The following LRRC8D variants were observed in gnomAD, a reference collection of about 807,000 sequenced individuals.
LRRC8D encodes volume-regulated anion channel subunit LRRC8D.
LRRC8D carries 20 observed loss-of-function variants against 55.8 expected under a neutral mutation model. The ratio of observed to expected loss-of-function variants is 0.36; its 90% CI spans 0.25 to 0.52. The LOEUF (loss-of-function observed/expected upper bound fraction) is 0.52, where lower values mean the gene tolerates loss of function less well. LRRC8D is among the 20% of genes least tolerant of loss of function. LRRC8D has a pLI of 0.93. For synonymous variants in LRRC8D, 352 were observed against 377.0 expected, an observed-to-expected ratio of 0.93 and a Z score of 0.77; for missense variants, 651 against 1,030.8, an observed-to-expected ratio of 0.63 and a Z score of 5.05.
At chr1:89,931,972 G>T (rs115554526) in intron 2 of LRRC8D, among the ~76,000 whole-genome samples, 3,027 of 152,182 alleles carry the variant, frequency 0.02, 45 homozygotes, top group Non-Finnish European at 0.032. Context: ...TGAAAATATG[G>T]TCATGTGGTT....
intron 2 of LRRC8D, among the ~76,000 whole-genome samples, chr1:89,856,279 A>T (rs144486902): frequency 1.3e-5 from 2 of 152,182 alleles, no homozygotes; most frequent in East Asian, 1.9e-4. Context: ...TTAGCAGCTC[A>T]TGTTGAACAC....
At chr1:89,931,667 G>T (rs937959799) in intron 2 of LRRC8D, among the ~76,000 whole-genome samples, 1 of 152,160 alleles carries the variant, frequency 6.6e-6, no homozygotes, top group African/African-American at 2.4e-5. Flanking sequence ...GCTGAGGCAG[G>T]AGAATCGCTT....
chr1:89,862,507 A>C (rs573933414), intron 2 of LRRC8D, among the ~76,000 whole-genome samples: 5 of 152,356 alleles, frequency 3.3e-5, no homozygotes, highest in African/African-American at 1.2e-4. Context: ...GAAGTAGGCC[A>C]GTCTTTGGAC....
chr1:89,848,835 G>A (rs1038766314), intron 2 of LRRC8D, among the ~76,000 whole-genome samples: 7 of 152,104 alleles, frequency 4.6e-5, no homozygotes, highest in Admixed American at 6.5e-5. Context: ...GAGTAGCTGG[G>A]ATTACAGGCG....
chr1:89,860,809 T>TATATATATATATATATATATATATATAC (rs970678615), intron 2 of LRRC8D, among the ~76,000 whole-genome samples: 2 of 105,538 alleles, frequency 1.9e-5, no homozygotes, highest in African/African-American at 7.6e-5. Context: ...TATATATATA[T>TATATATATATATATATATATATATATAC]ACACACACAG....
rs1220234571 is a variant in LRRC8D, at chr1:89,911,694, C to T, written c.-2-21373C>T. ...TCACTTTCCCACATACCCTTGCACA[C>T]GTGAGCCAGACTTTTTCACCGAAAG... On this transcript the variant is annotated intron_variant, in intron 2 of 2. Coordinates refer to ENST00000337338, the MANE Select transcript of LRRC8D (RefSeq NM_001134479.2). The surrounding 1 kb of genome is among the most constrained non-coding windows in gnomAD (Gnocchi z 4.0). Among the ~76,000 whole-genome samples, 4 of 151,862 alleles carry T rather than the reference C, an allele frequency of 2.6e-5. No homozygotes were observed. Among genetic ancestry groups the T allele is most frequent in the Admixed American group, 6.6e-5 (1 of 15,252 alleles).
Position 89,860,584 on chromosome 1 carries a change from C to A in LRRC8D, c.-3+16802C>A, listed in dbSNP as rs540101310. Among the ~76,000 whole-genome samples, 15 of 150,184 alleles carry A rather than the reference C, an allele frequency of 1.0e-4. No individual in the cohort carries two copies. In the South Asian group the frequency reaches 2.9e-3, roughly 29 times the overall value. On this transcript the variant is annotated intron_variant, in intron 2 of 2. Coordinates refer to ENST00000337338, the MANE Select transcript of LRRC8D (RefSeq NM_001134479.2). ...ACCATCCTGGCCAACATGGTGAAAC[C>A]CTGTCTCTACTAAAAATAAAAAAAT... is the stretch of plus-strand genomic sequence containing the variant.
intron 2 of LRRC8D, among the ~76,000 whole-genome samples, chr1:89,909,821 A>G (rs2100937469): frequency 6.6e-6 from 1 of 150,804 alleles, no homozygotes; most frequent in Admixed American, 6.6e-5. Flanking sequence ...AGCCGAGATC[A>G]TGCCACTGCA....
At chr1:89,924,732 A>G (rs1486158469) in intron 2 of LRRC8D, among the ~76,000 whole-genome samples, 1 of 152,166 alleles carries the variant, frequency 6.6e-6, no homozygotes, top group Admixed American at 6.5e-5. Context: ...ATACTATGCA[A>G]CCATAGAAAA....
At chr1:89,880,402 A>C (rs930226718) in intron 2 of LRRC8D, among the ~76,000 whole-genome samples, 1 of 151,952 alleles carries the variant, frequency 6.6e-6, no homozygotes, top group South Asian at 2.1e-4. Flanking sequence ...AATAATGTGA[A>C]ATCTCATTAG....
rs541961007 is a variant in LRRC8D at position 89,931,536 on chromosome 1, A to G, written c.-2-1531A>G. On this transcript the variant is annotated intron_variant, in intron 2 of 2. Coordinates refer to ENST00000337338, the MANE Select transcript of LRRC8D (RefSeq NM_001134479.2). Reference sequence around the variant, plus strand: ...AGCACTTTGGGAGGCCAAGGTGGGCAGATCACAAGGTCAGGAGTTCGAGAC... The same window carrying G: ...AGCACTTTGGGAGGCCAAGGTGGGCGGATCACAAGGTCAGGAGTTCGAGAC... Among the ~76,000 whole-genome samples the G allele has an allele frequency of 7.2e-5, 11 of 152,210 alleles. No homozygotes were observed. In the East Asian group the frequency reaches 1.9e-3, roughly 27 times the overall value.
intron 1 of LRRC8D, among the ~76,000 whole-genome samples, chr1:89,837,778 C>T (rs980550873): frequency 8.5e-5 from 13 of 152,140 alleles, no homozygotes; most frequent in Admixed American, 7.2e-4. Context: ...GTTTCTCTTT[C>T]GTGCTATTTG....
intron 2 of LRRC8D, among the ~76,000 whole-genome samples, chr1:89,858,045 A>G (rs978284438): frequency 6.6e-6 from 1 of 152,168 alleles, no homozygotes; most frequent in Non-Finnish European, 1.5e-5. Context: ...CCTGGCCAAC[A>G]TGGTGAAACC....
chr1:89,861,617 C>T (rs1421535008), intron 2 of LRRC8D, among the ~76,000 whole-genome samples: 1 of 152,208 alleles, frequency 6.6e-6, no homozygotes, highest in Non-Finnish European at 1.5e-5. Context: ...GGTATTGGTC[C>T]TCTGTATCCT....
intron 2 of LRRC8D, among the ~76,000 whole-genome samples, chr1:89,849,894 C>T (rs184296697): frequency 6.6e-6 from 1 of 152,212 alleles, no homozygotes; most frequent in East Asian, 1.9e-4. Context: ...TTTTAATGTA[C>T]TTGTCTCATC....
chr1:89,857,290 G>A (rs1661583006), intron 2 of LRRC8D, among the ~76,000 whole-genome samples: 1 of 150,570 alleles, frequency 6.6e-6, no homozygotes, highest in South Asian at 2.1e-4. Flanking sequence ...GCTGAGGCAG[G>A]AGAATTGCTT....
chr1:89,874,396 G>T (rs1403313878), intron 2 of LRRC8D, among the ~76,000 whole-genome samples: 5 of 151,870 alleles, frequency 3.3e-5, no homozygotes, highest in Non-Finnish European at 7.4e-5. Context: ...TGACCTCGAA[G>T]TGTGAATCTG....
chr1:89,910,848 A>G lies in LRRC8D; in HGVS notation c.-2-22219A>G, dbSNP rs115797766. On this transcript the variant is annotated intron_variant, in intron 2 of 2. Coordinates refer to ENST00000337338, the MANE Select transcript of LRRC8D (RefSeq NM_001134479.2). ...TTCCTGTCTTCCCCTGCCTATTAGCAGTAGCCTCAGTGTTGAATGGCAAGA... is the reference window on the plus strand; with the variant it reads ...TTCCTGTCTTCCCCTGCCTATTAGCGGTAGCCTCAGTGTTGAATGGCAAGA... Among the ~76,000 whole-genome samples the G allele has an allele frequency of 5.6e-3, 859 of 152,304 alleles. 3 individuals carry two copies. The highest frequency in any genetic ancestry group is 0.02 in the African/African-American group (819 of 41,560).
intron 2 of LRRC8D, among the ~76,000 whole-genome samples, chr1:89,901,793 T>C (rs1488668848): frequency 6.6e-6 from 1 of 152,244 alleles, no homozygotes; most frequent in Non-Finnish European, 1.5e-5. Flanking sequence ...CTTATACTTA[T>C]TTTATGGTTT....
Sources: allele counts gnomAD v4.1 joint callset (sites outside exome capture counted in the v4.1 genomes callset), GRCh38; gene constraint gnomAD v4.1.1; non-coding constraint Gnocchi (gnomAD v3.1); transcripts MANE v1.5; gene names NCBI Gene and HGNC (gene_info 2026-07-23, HGNC 2026-07-21).